Variants in TCERG1L observed in about 807,000 individuals in gnomAD.
The protein encoded by TCERG1L is transcription elongation regulator 1 like.
Under a neutral mutation model 56.3 loss-of-function variants are expected in TCERG1L, and 37 were observed. The observed-to-expected ratio is 0.66, with a 90% CI of 0.51 to 0.87. The LOEUF (loss-of-function observed/expected upper bound fraction) is 0.87, where lower values mean the gene tolerates loss of function less well. Ranked by LOEUF, TCERG1L falls within the 40% of genes least tolerant of loss-of-function variation. TCERG1L has a pLI of 0.00. For synonymous variants in TCERG1L, 324 were observed against 326.3 expected (o/e 0.99, Z 0.08); for missense variants, 799 against 774.2 (o/e 1.03, Z -0.38).
chr10:131,286,788 T>C (rs1846548400), intron 3 of TCERG1L, among the ~76,000 whole-genome samples: 1 of 152,214 alleles, frequency 6.6e-6, no homozygotes, highest in Non-Finnish European at 1.5e-5. Flanking sequence ...ATCTATAAAC[T>C]ATACTCACAA....
rs535393373 is a variant in TCERG1L, at chr10:131,250,308, G to A, written c.856+9951C>T. 7.0e-5 allele frequency among the ~76,000 whole-genome samples: 10 copies of A among 142,788 alleles called. No individual in the cohort carries two copies. The East Asian group carries it at 1.7e-3, about 24-fold the overall frequency. 93.7% of individuals were successfully genotyped at this position (142,788 alleles called of 152,430 possible). ...TCCTGCGAGATGAGGACTCACAGAC[G>A]CAGGCTAATCTGTCACTCACATGCC... On this transcript the variant is annotated intron_variant, in intron 4 of 11. Transcript: ENST00000368642.
intron 4 of TCERG1L, among the ~76,000 whole-genome samples, chr10:131,177,788 C>T (rs1845121978): frequency 6.6e-6 from 1 of 151,800 alleles, no homozygotes; most frequent in Non-Finnish European, 1.5e-5. Context: ...GGGGAGGCTC[C>T]TGGCACGTGA....
chr10:131,148,727 A>G (rs774141668), intron 6 of TCERG1L, among the ~76,000 whole-genome samples: 3 of 152,222 alleles, frequency 2.0e-5, no homozygotes, highest in African/African-American at 2.4e-5. Flanking sequence ...GGAAGATGGA[A>G]AAGGCAGGAA....
chr10:131,233,057 C>T (rs1845869057), intron 4 of TCERG1L, among the ~76,000 whole-genome samples: 3 of 152,182 alleles, frequency 2.0e-5, no homozygotes. Flanking sequence ...AGCTAAACTC[C>T]CTGAGGGAGA....
chr10:131,096,074 G>A (rs532861175), intron 11 of TCERG1L, among the ~76,000 whole-genome samples: 11 of 152,326 alleles, frequency 7.2e-5, no homozygotes, highest in African/African-American at 2.2e-4. Context: ...GCCAGGCACC[G>A]TCGGGGTCCC....
chr10:131,154,119 T>C (rs1845894652), intron 6 of TCERG1L, among the ~76,000 whole-genome samples: 1 of 152,206 alleles, frequency 6.6e-6, no homozygotes, highest in Non-Finnish European at 1.5e-5. Flanking sequence ...GTATAATTTC[T>C]GGATACCTGC....
At chr10:131,231,834 G>A (rs1845855717) in intron 4 of TCERG1L, among the ~76,000 whole-genome samples, 1 of 152,134 alleles carries the variant, frequency 6.6e-6, no homozygotes, top group Non-Finnish European at 1.5e-5. Flanking sequence ...GGACAAGGGG[G>A]GCTCTCCCTC....
chr10:131,126,203 C>T (rs929841508), intron 8 of TCERG1L, among the ~76,000 whole-genome samples: 1 of 152,250 alleles, frequency 6.6e-6, no homozygotes, highest in Admixed American at 6.5e-5. Flanking sequence ...GGACAGCTCA[C>T]TCCCAGTCTT....
At chr10:131,155,012 G>C (rs780367007) in intron 6 of TCERG1L, among the ~76,000 whole-genome samples, 14 of 152,204 alleles carry the variant, frequency 9.2e-5, no homozygotes, top group Non-Finnish European at 1.5e-4. Context: ...TGAGAGTCCA[G>C]GAGCCTGGGG....
At chr10:131,299,783 G>C (rs1163230470) in intron 3 of TCERG1L, among the ~76,000 whole-genome samples, 1 of 152,068 alleles carries the variant, frequency 6.6e-6, no homozygotes, top group Non-Finnish European at 1.5e-5. Flanking sequence ...AGCACATAAT[G>C]TATAGTACAA....
chr10:131,200,600 C>A (rs1422501433), intron 4 of TCERG1L, among the ~76,000 whole-genome samples: 1 of 152,258 alleles, frequency 6.6e-6, no homozygotes. Context: ...AGGCTCACAG[C>A]TGGAGGGAAA....
chr10:131,139,466 G>T (rs1207086199), intron 7 of TCERG1L, among the ~76,000 whole-genome samples: 1 of 152,156 alleles, frequency 6.6e-6, no homozygotes, highest in African/African-American at 2.4e-5. Flanking sequence ...GAGGGAACTG[G>T]GTGCGGGAGG....
At chr10:131,211,081 C>T (rs1845613871) in intron 4 of TCERG1L, among the ~76,000 whole-genome samples, 1 of 152,230 alleles carries the variant, frequency 6.6e-6, no homozygotes, top group Non-Finnish European at 1.5e-5. Flanking sequence ...TCTGAAGCTG[C>T]CTGCAGCCTG....
At chr10:131,209,831 CTT>C (rs1282882239) in intron 4 of TCERG1L, among the ~76,000 whole-genome samples, 2 of 151,994 alleles carry the variant, frequency 1.3e-5, no homozygotes, top group East Asian at 1.9e-4. Context: ...TTAAAGAAGA[CTT>C]TGTAATATTA....
chr10:131,148,248 G>A (rs1845820266), intron 6 of TCERG1L, among the ~76,000 whole-genome samples: 1 of 152,160 alleles, frequency 6.6e-6, no homozygotes, highest in Non-Finnish European at 1.5e-5. Context: ...AGAGGGAGGT[G>A]GGAAGATCAG....
At chr10:131,257,445 G>A (rs1407227165) in intron 4 of TCERG1L, among the ~76,000 whole-genome samples, 1 of 152,208 alleles carries the variant, frequency 6.6e-6, no homozygotes, top group Non-Finnish European at 1.5e-5. Context: ...GCAAGGCACC[G>A]AATTCAGCAC....
chr10:131,231,184 G>C (rs1051168747), intron 4 of TCERG1L, among the ~76,000 whole-genome samples: 1 of 152,188 alleles, frequency 6.6e-6, no homozygotes, highest in African/African-American at 2.4e-5. Context: ...GACTGCCCGA[G>C]GGCTGCCACT....
chr10:131,294,838 T>A (rs1234049103), intron 3 of TCERG1L, among the ~76,000 whole-genome samples: 1 of 135,900 alleles, frequency 7.4e-6, no homozygotes, highest in African/African-American at 3.3e-5. Context: ...CTTTTAAGCC[T>A]TTTTTTTTTT....
intron 4 of TCERG1L, among the ~76,000 whole-genome samples, chr10:131,183,884 T>C (rs1352620431): frequency 6.6e-6 from 1 of 152,248 alleles, no homozygotes; most frequent in Non-Finnish European, 1.5e-5. Context: ...TGTGGCATGC[T>C]GAGCATCGTG....
Sources: gnomAD v4.1 joint callset for allele counts (sites outside exome capture counted in the v4.1 genomes callset) on GRCh38, gnomAD v4.1.1 for gene constraint, MANE v1.5 for transcripts, NCBI Gene and HGNC (gene_info 2026-07-23, HGNC 2026-07-21) for gene names.